GREB1L: variants seen among roughly 807,000 people sequenced by gnomAD.
GREB1L encodes GREB1-like protein.
Under a neutral mutation model 200.8 loss-of-function variants are expected in GREB1L, and 17 were observed. The observed-to-expected ratio is 0.08, with a 90% confidence interval of 0.06 to 0.13. The LOEUF (loss-of-function observed/expected upper bound fraction) is 0.13, where lower values mean the gene tolerates loss of function less well. GREB1L is among the 10% of genes least tolerant of loss of function. The pLI is 1.00. For missense variants in GREB1L, 1,657 were observed against 2,367.7 expected (o/e 0.70, Z 6.23); for synonymous variants, 789 against 893.0 (o/e 0.88, Z 2.08).
intron 1 of GREB1L, among the ~76,000 whole-genome samples, chr18:21,252,557 G>GGA (rs2143968887): frequency 1.3e-5 from 1 of 77,452 alleles, no homozygotes; most frequent in African/African-American, 4.4e-5. Flanking sequence ...AACTCCATCT[G>GGA]AAAAAAAAAA....
intron 2 of GREB1L, among the ~76,000 whole-genome samples, chr18:21,381,093 T>G (rs1275520745): frequency 6.6e-6 from 1 of 152,106 alleles, no homozygotes; most frequent in Admixed American, 6.6e-5. Context: ...ATACAAAAAA[T>G]TAGCCAGGTG....
intron 15 of GREB1L, among the ~76,000 whole-genome samples, chr18:21,462,699 C>T (rs1190012389): frequency 6.6e-6 from 1 of 152,214 alleles, no homozygotes; most frequent in African/African-American, 2.4e-5. Context: ...ATCCACCCGC[C>T]TTGGCCTCCC....
chr18:21,374,809 T>A (rs548137111), intron 2 of GREB1L, among the ~76,000 whole-genome samples: 3 of 151,834 alleles, frequency 2.0e-5, no homozygotes, highest in Admixed American at 2.0e-4. Flanking sequence ...TACTTGAAAA[T>A]ATATTTATAC....
intron 7 of GREB1L, among the ~76,000 whole-genome samples, chr18:21,408,255 A>G (rs1433089012): frequency 6.6e-6 from 1 of 152,212 alleles, no homozygotes; most frequent in African/African-American, 2.4e-5. Context: ...TTATCTGTCA[A>G]TGAAAAGACA....
Position 21,242,326 on chromosome 18 carries a change from G to T in GREB1L, c.-187G>T, listed in dbSNP as rs1187940698. On this transcript the variant is annotated 5_prime_UTR_variant, in exon 1 of 33. Coordinates refer to ENST00000424526, the MANE Select transcript of GREB1L (RefSeq NM_001142966.3). ...GGCGCAGGGAACGGCACTGGGGGTG[G>T]GGAGACCAGCCCGGCCGAGCCGAGG... 6.6e-6 allele frequency: 1 copy of T among 152,184 alleles called. No homozygotes were observed. The highest frequency in any genetic ancestry group is 2.4e-5 in the African/African-American group (1 of 41,424). The allele number at this position is 152,184 out of a possible 1,614,324, so 9.4% of individuals were successfully genotyped here.
intron 1 of GREB1L, chr18:21,363,457 A>G (rs1028717400): frequency 2.6e-5 from 4 of 151,720 alleles, no homozygotes; most frequent in African/African-American, 7.3e-5. Context: ...GTGTGTGGCA[A>G]TTGTTTTCTT....
intron 15 of GREB1L, among the ~76,000 whole-genome samples, chr18:21,469,990 T>C (rs2035416096): frequency 6.6e-6 from 1 of 152,148 alleles, no homozygotes; most frequent in Non-Finnish European, 1.5e-5. Flanking sequence ...TCAAGTAAAA[T>C]TTAAAAAATC....
intron 1 of GREB1L, among the ~76,000 whole-genome samples, chr18:21,275,902 C>T (rs2038155381): frequency 6.6e-6 from 1 of 152,114 alleles, no homozygotes; most frequent in African/African-American, 2.4e-5. Flanking sequence ...TTGAATGTGA[C>T]GTCAAAACCA....
chr18:21,347,278 C>CAA lies in GREB1L; in HGVS notation c.-119-18738_-119-18737dup, dbSNP rs556087217. On this transcript the variant is annotated intron_variant, in intron 1 of 32. Coordinates refer to ENST00000424526, the MANE Select transcript of GREB1L (RefSeq NM_001142966.3). ...TGAGCAACAGAGCAAGACTCCGTCT[C>CAA]AAAAAAAAAAAACAAACAAAAACAA... Among the ~76,000 whole-genome samples the CAA allele has an allele frequency of 1.0e-4, 13 of 129,056 alleles. 1 individual carries two copies. The highest frequency in any genetic ancestry group is 3.9e-4 in the Admixed American group (5 of 12,986). 84.7% of individuals were successfully genotyped at this position (129,056 alleles called of 152,430 possible).
Position 21,500,898 on chromosome 18 carries a change from A to G in GREB1L, c.4072+256A>G, listed in dbSNP as rs371631483. 4.6e-5 allele frequency among the ~76,000 whole-genome samples: 7 copies of G among 152,152 alleles called. No homozygotes were observed. In the Middle Eastern group the frequency reaches 0.01, roughly 222 times the overall value. On this transcript the variant is annotated intron_variant, in intron 23 of 32. Transcript: ENST00000424526. ...AGCCTGGGCAATATGGTGAAACCCC[A>G]TCTCTACTGAAAATATAAAAATTAG...
chr18:21,297,681 T>TA lies in GREB1L; in HGVS notation c.-120+55289dup, dbSNP rs572619022. Among the ~76,000 whole-genome samples, 88 of 152,302 alleles carry TA rather than the reference T, an allele frequency of 5.8e-4. 1 individual carries two copies. The East Asian group carries it at 0.015, about 26-fold the overall frequency. On this transcript the variant is annotated intron_variant, in intron 1 of 32. Transcript: ENST00000424526. ...CATGCTTAAGAATCGGGATAGCACTTATATACCATTCCCAAGTCTTCAGAG... is the reference window on the plus strand; with the variant it reads ...CATGCTTAAGAATCGGGATAGCACTTAATATACCATTCCCAAGTCTTCAGAG...
At chr18:21,471,816 T>TA (rs560851839) in intron 15 of GREB1L, among the ~76,000 whole-genome samples, 13 of 151,954 alleles carry the variant, frequency 8.6e-5, no homozygotes, top group Non-Finnish European at 1.6e-4. Context: ...AGATAAGGTC[T>TA]CACTATGTTG....
At chr18:21,406,562 G>A (rs1272937443) in intron 7 of GREB1L, among the ~76,000 whole-genome samples, 1 of 152,172 alleles carries the variant, frequency 6.6e-6, no homozygotes, top group East Asian at 1.9e-4. Flanking sequence ...ATAATGGACT[G>A]TAGAAATTTC....
At chr18:21,335,463 G>A (rs1443569387) in intron 1 of GREB1L, among the ~76,000 whole-genome samples, 2 of 152,266 alleles carry the variant, frequency 1.3e-5, no homozygotes, top group South Asian at 2.1e-4. Flanking sequence ...ATTAATCTGA[G>A]AAGTTAGATG....
At chr18:21,343,142 A>G (rs1251489501) in intron 1 of GREB1L, among the ~76,000 whole-genome samples, 1 of 152,136 alleles carries the variant, frequency 6.6e-6, no homozygotes, top group Non-Finnish European at 1.5e-5. Flanking sequence ...GGAAAAAAAA[A>G]AAAGGGAGTT....
chr18:21,377,627 C>T (rs912479268), intron 2 of GREB1L, among the ~76,000 whole-genome samples: 13 of 152,202 alleles, frequency 8.5e-5, no homozygotes, highest in Admixed American at 8.5e-4. Flanking sequence ...ACCTGGGAGG[C>T]GGAGGTTGCA....
In GREB1L at chr18:21,337,306, A is replaced by AT. The variant is rs796790760; in HGVS notation, c.-119-28711dup. On this transcript the variant is annotated intron_variant, in intron 1 of 32. Coordinates refer to ENST00000424526, the MANE Select transcript of GREB1L (RefSeq NM_001142966.3). The stretch of plus-strand genomic sequence containing the variant: ...TTTGCTGTTTGTTTTTAGTGTTTTG[A>AT]TTTTTTTTTTATGTTTTATAATAAA... Among the ~76,000 whole-genome samples the AT allele has an allele frequency of 8.9e-3, 1,337 of 149,822 alleles. 25 individuals are homozygous for AT. The highest frequency in any genetic ancestry group is 0.029 in the African/African-American group (1,186 of 40,772).
intron 16 of GREB1L, 59 bp downstream of exon 16, chr18:21,473,270 A>G: frequency 7.8e-7 from 1 of 1,289,790 alleles, no homozygotes; most frequent in Non-Finnish European, 1.0e-6. Flanking sequence ...TTGTTACCTA[A>G]TGAAATATGT....
intron 1 of GREB1L, among the ~76,000 whole-genome samples, chr18:21,320,763 C>CAA (rs533673562): frequency 2.6e-5 from 3 of 113,922 alleles, no homozygotes; most frequent in Non-Finnish European, 3.7e-5. Flanking sequence ...GAGACTGTCT[C>CAA]AAAAAAAAAA....
Sources: allele counts gnomAD v4.1 joint callset (sites outside exome capture counted in the v4.1 genomes callset), GRCh38; gene constraint gnomAD v4.1.1; transcripts MANE v1.5; gene names NCBI Gene and HGNC (gene_info 2026-07-23, HGNC 2026-07-21).